HECTD4: variants seen among roughly 807,000 people sequenced by gnomAD.
The protein encoded by HECTD4 is probable E3 ubiquitin-protein ligase HECTD4.
In HECTD4, 114 loss-of-function variants were observed where a neutral mutation model predicts 471.5. That is an observed-to-expected ratio of 0.24 (90% CI 0.21 to 0.28). HECTD4 has a LOEUF of 0.28. HECTD4 is among the 10% of genes least tolerant of loss of function. The pLI is 1.00. For missense variants in HECTD4, 3,866 were observed against 5,651.5 expected, an observed-to-expected ratio of 0.68 and a Z score of 10.13; for synonymous variants, 2,012 against 2,256.0, an observed-to-expected ratio of 0.89 and a Z score of 3.07.
At chr12:112,231,741 A>G in intron 38 of HECTD4, 26 bp from the exon 39 acceptor site, 1 of 1,584,926 alleles carries the variant, frequency 6.3e-7, no homozygotes, top group Non-Finnish European at 8.6e-7. Flanking sequence ...AGACGCTGAG[A>G]AGATTCATTT....
intron 32 of HECTD4, among the ~76,000 whole-genome samples, chr12:112,240,577 G>A (rs1593965787): frequency 6.6e-6 from 1 of 151,746 alleles, no homozygotes; most frequent in East Asian, 1.9e-4. Flanking sequence ...TGCCTCCCAA[G>A]TAGCTGGGAC....
At position 112,167,308 on chromosome 12, in the gene HECTD4, T is replaced by G; in HGVS notation, c.12534+9A>C. ...TCTGCAGCCCCCCAGAACTGTGCCT[T>G]GCACTCACGCTCTCAAACTTCTTGA... On this transcript the variant is annotated intron_variant, in intron 72 of 75. Coordinates refer to ENST00000682272, the MANE Select transcript of HECTD4 (RefSeq NM_001388303.1). 1 of 1,604,274 alleles carries G rather than the reference T, an allele frequency of 6.2e-7. No individual in the cohort carries two copies.
At chr12:112,187,206 C>T (rs143642264) in intron 60 of HECTD4, among the ~76,000 whole-genome samples, 13 of 151,958 alleles carry the variant, frequency 8.6e-5, no homozygotes, top group Non-Finnish European at 7.4e-5. Flanking sequence ...CTCGAACTCC[C>T]GACCTCAGGT....
intron 1 of HECTD4, among the ~76,000 whole-genome samples, chr12:112,342,290 CA>C (rs1287405743): frequency 6.6e-6 from 1 of 151,976 alleles, no homozygotes; most frequent in Non-Finnish European, 1.5e-5. Flanking sequence ...ACCCTGTTTT[CA>C]ACAAAAAAAT....
In HECTD4 at chr12:112,300,641, A is replaced by G. The variant is rs117211112; in HGVS notation, c.1335+5423T>C. Reference sequence around the variant, plus strand: ...GAGACAGGTTCTCACTCTGTCACTCATGCTGGAATGCAGTGGTGCAATCAC... The same window carrying G: ...GAGACAGGTTCTCACTCTGTCACTCGTGCTGGAATGCAGTGGTGCAATCAC... On this transcript the variant is annotated intron_variant, in intron 7 of 75. Coordinates refer to ENST00000682272, the MANE Select transcript of HECTD4 (RefSeq NM_001388303.1). Among the ~76,000 whole-genome samples the G allele has an allele frequency of 2.3e-4, 35 of 152,266 alleles. 1 individual carries two copies. The East Asian group carries it at 6.7e-3, about 29-fold the overall frequency.
rs369262915 is a variant in HECTD4, at chr12:112,239,922, G to A, written c.5064C>T (p.Cys1688=). The A allele has an allele frequency of 1.9e-4, 314 of 1,613,842 alleles. No homozygotes were observed. Among genetic ancestry groups the A allele is most frequent in the Non-Finnish European group, 2.3e-4 (269 of 1,179,864 alleles). ...VSLCARYPIA[C]ANSIGLLCTI... ...TACATAAGAGTCCAATGCTATTTGC[G>A]CAAGCGATAGGGTAACGAGCACACA... Residue 1688 remains cysteine, a synonymous_variant, in exon 33 of 76, where the codon TGC becomes TGT. Transcript: ENST00000682272. This position sits in a 1 kb window ranked among gnomAD's most constrained non-coding sequence, Gnocchi z 4.9.
chr12:112,279,391 A>G lies in HECTD4; in HGVS notation c.1529-5T>C. 1 of 1,579,744 alleles carries G rather than the reference A, an allele frequency of 6.3e-7. No homozygotes were observed. ...GCAGCCCACAGCTAGTATTTGCTGG[A>G]GAAAGGAATGAAAATGCTAAATCAA... On this transcript the variant is annotated splice_polypyrimidine_tract_variant and splice_region_variant and intron_variant, in intron 8 of 75. Transcript: ENST00000682272.
chr12:112,369,303 G>C (rs2036625453), intron 1 of HECTD4, among the ~76,000 whole-genome samples: 1 of 151,746 alleles, frequency 6.6e-6, no homozygotes, highest in Non-Finnish European at 1.5e-5. Flanking sequence ...ATCTTTTGGA[G>C]CGAAAGTTAT....
Position 112,193,599 on chromosome 12 carries a change from G to A in HECTD4, c.8825C>T (p.Ala2942Val), listed in dbSNP as rs1365137100. ...GTTGCCCTGGTAAAAGAGGTCCGTG[G>A]CGGAGCAGTTCTGGGAATGGATGCA... ...QHCIHSQNCSATDLFYQGNSQ... is the reference protein window; with the variant it reads ...QHCIHSQNCSVTDLFYQGNSQ... Residue 2942 changes from alanine to valine, a missense_variant, in exon 57 of 76, where the codon GCC becomes GTC. By Grantham distance (64) the Ala-to-Val change is moderately conservative. Around this residue, in one of 16 missense-constraint regions of HECTD4, gnomAD observed 364 missense variants for 413.2 expected, o/e 0.88. Transcript: ENST00000682272. The surrounding 1 kb of genome is among the most constrained non-coding windows in gnomAD (Gnocchi z 5.2). The A allele has an allele frequency of 2.5e-6, 4 of 1,613,098 alleles. No homozygotes were observed. In the African/African-American group the frequency reaches 5.3e-5, roughly 22 times the overall value.
chr12:112,184,514 G>A lies in HECTD4; in HGVS notation c.10452C>T (p.Ser3484=), dbSNP rs755330792. Residue 3484 remains serine (S), a synonymous_variant, in exon 61 of 76, where the codon AGC becomes AGT. Transcript: ENST00000682272. The surrounding 1 kb of genome is among the most constrained non-coding windows in gnomAD (Gnocchi z 9.1). ...AGGCCTGGCTGGTGGAGGCGGAGGCGCTGATGCTCATGGCGGGGGTCAGGC... is the reference window on the plus strand; with the variant it reads ...AGGCCTGGCTGGTGGAGGCGGAGGCACTGATGCTCATGGCGGGGGTCAGGC... The part of the protein sequence containing the change: ...SSSLTPAMSI[S]ASASTSQASI... 39 of 1,611,222 alleles carry A rather than the reference G, an allele frequency of 2.4e-5. No homozygotes were observed. Among genetic ancestry groups the A allele is most frequent in the Admixed American group, 2.3e-4 (14 of 59,948 alleles).
intron 35 of HECTD4, among the ~76,000 whole-genome samples, chr12:112,236,606 C>T (rs2033508300): frequency 6.6e-6 from 1 of 152,170 alleles, no homozygotes; most frequent in South Asian, 2.1e-4. Context: ...CAGGCCCTGA[C>T]TCATTCCTCT....
intron 71 of HECTD4, 66 bp downstream of exon 71, chr12:112,167,748 G>T (rs1217070775): frequency 1.4e-6 from 2 of 1,398,860 alleles, no homozygotes; most frequent in East Asian, 2.3e-5. Context: ...CACACTGCCC[G>T]CCACCCCAGC....
intron 62 of HECTD4, among the ~76,000 whole-genome samples, chr12:112,182,104 G>A (rs1312892511): frequency 6.7e-6 from 1 of 148,314 alleles, no homozygotes; most frequent in African/African-American, 2.5e-5. Flanking sequence ...AAAAAAAAAA[G>A]ATTACAATTT....
chr12:112,227,460 CA>C (rs1006055980), intron 43 of HECTD4, among the ~76,000 whole-genome samples: 51 of 148,208 alleles, frequency 3.4e-4, no homozygotes, highest in African/African-American at 1.2e-3. Flanking sequence ...ACTCTGTGTC[CA>C]AAAAAAAAGA....
chr12:112,172,842 G>T lies in HECTD4; in HGVS notation c.11614C>A (p.Arg3872=). ...TTTCTTGAGGCCTTCTGTGCATGTC[G>T]GACATCGATGCATGCGCACCTTGGG... ...HFERCACIDV[R]HAQKASRKWT... is the part of the protein sequence containing the mutation. Residue 3872 remains arginine (R), a synonymous_variant, in exon 67 of 76, where the codon CGA becomes AGA. Coordinates refer to ENST00000682272, the MANE Select transcript of HECTD4 (RefSeq NM_001388303.1). 1.2e-6 allele frequency: 2 copies of T among 1,613,952 alleles called. No homozygotes were observed. The highest frequency in any genetic ancestry group is 1.6e-4 in the Middle Eastern group (1 of 6,062).
intron 7 of HECTD4, among the ~76,000 whole-genome samples, chr12:112,288,495 G>C (rs951928117): frequency 2.6e-5 from 4 of 152,032 alleles, no homozygotes; most frequent in African/African-American, 9.7e-5. Flanking sequence ...GGTGGCATGA[G>C]CCTGTAGTCC....
chr12:112,359,599 A>G (rs2036413404), intron 1 of HECTD4, among the ~76,000 whole-genome samples: 1 of 152,032 alleles, frequency 6.6e-6, no homozygotes, highest in Admixed American at 6.6e-5. Context: ...TTATATTTTT[A>G]GTAGAGATGG....
At chr12:112,247,278 C>T (rs1332414270) in intron 28 of HECTD4, among the ~76,000 whole-genome samples, 184 bp downstream of exon 28, 1 of 152,218 alleles carries the variant, frequency 6.6e-6, no homozygotes, top group Non-Finnish European at 1.5e-5. Flanking sequence ...TTTTCTGTTT[C>T]AAATGCCTAT....
Position 112,185,357 on chromosome 12 carries a change from G to C in HECTD4, c.9609C>G (p.Leu3203=). 1 of 1,606,536 alleles carries C rather than the reference G, an allele frequency of 6.2e-7. No homozygotes were observed. The highest frequency in any genetic ancestry group is 1.1e-5 in the South Asian group (1 of 89,706). Residue 3203 remains leucine, a synonymous_variant, in exon 61 of 76, where the codon CTC becomes CTG. Transcript: ENST00000682272. ...HPAGLSSSIA[L]QLNPCLAMLM... ...GCATGGCCAGGCAGGGGTTCAGCTG[G>C]AGGGCGATTGAGGAGGACAGGCCAG... is the stretch of plus-strand genomic sequence containing the variant.
Sources: gnomAD v4.1 joint callset for allele counts (sites outside exome capture counted in the v4.1 genomes callset) on GRCh38, gnomAD v4.1.1 for gene constraint, gnomAD v4.1.1 regional missense constraint, Gnocchi (gnomAD v3.1) non-coding constraint, MANE v1.5 for transcripts, NCBI Gene and HGNC (gene_info 2026-07-23, HGNC 2026-07-21) for gene names.